The following UBR7 variants were observed in gnomAD, a reference collection of about 807,000 sequenced individuals.
The protein encoded by UBR7 is putative E3 ubiquitin-protein ligase UBR7.
In UBR7, 22 loss-of-function variants were observed where a neutral mutation model predicts 57.0. The observed-to-expected ratio is 0.39, with a 90% confidence interval of 0.28 to 0.55. UBR7 has a LOEUF of 0.55. Ranked by LOEUF, UBR7 falls within the 20% of genes least tolerant of loss-of-function variation. The pLI is 0.69. For synonymous variants in UBR7, 167 were observed against 179.8 expected, an observed-to-expected ratio of 0.93 and a Z score of 0.57; for missense variants, 395 against 513.2, an observed-to-expected ratio of 0.77 and a Z score of 2.23.
intron 6 of UBR7, among the ~76,000 whole-genome samples, chr14:93,217,406 A>G (rs1894612336): frequency 6.6e-6 from 1 of 152,100 alleles, no homozygotes; most frequent in African/African-American, 2.4e-5. Flanking sequence ...CTCCTATTAC[A>G]TTGAAATGCT....
chr14:93,208,028 A>G (rs571930098), intron 1 of UBR7, among the ~76,000 whole-genome samples: 7 of 152,290 alleles, frequency 4.6e-5, no homozygotes, highest in African/African-American at 1.4e-4. Flanking sequence ...TCCCCTGGAA[A>G]TAGACCGGAA....
At position 93,219,235 on chromosome 14, in the gene UBR7, C is replaced by G; in HGVS notation, c.834C>G (p.Leu278=). ...AGACAGTGTTTAAGAATGAAAGCCT[C>G]AACGCAGAATCAAAATCTGGCTGCA... ...DLQTVFKNES[L]NAESKSGCKL... The change falls in exon 8 of 11, where the codon CTC becomes CTG. Residue 278 remains leucine (L), a synonymous_variant. Coordinates refer to ENST00000013070, the MANE Select transcript of UBR7 (RefSeq NM_175748.4). 1 of 1,614,158 alleles carries G rather than the reference C, an allele frequency of 6.2e-7. No homozygotes were observed. Among genetic ancestry groups the G allele is most frequent in the Non-Finnish European group, 8.5e-7 (1 of 1,180,022 alleles).
Position 93,218,531 on chromosome 14 carries a change from C to T in UBR7, c.606C>T (p.Thr202=), listed in dbSNP as rs1417780499. The T allele has an allele frequency of 1.2e-6, 2 of 1,613,960 alleles. No homozygotes were observed. Among genetic ancestry groups the T allele is most frequent in the African/African-American group, 2.7e-5 (2 of 74,962 alleles). ...TCTTTTTCTTTGAACTCACAGTAAC[C>T]AAAATATCCACTGAGGATGATGGAT... is the stretch of plus-strand genomic sequence containing the variant. ...LWAYAAQLAV[T]KISTEDDGLV... is the part of the protein sequence containing the mutation. Residue 202 remains threonine, a synonymous_variant, in exon 7 of 11, where the codon ACC becomes ACT. Coordinates refer to ENST00000013070, the MANE Select transcript of UBR7 (RefSeq NM_175748.4).
intron 4 of UBR7, among the ~76,000 whole-genome samples, chr14:93,214,043 C>T (rs1894544125): frequency 6.6e-6 from 1 of 152,178 alleles, no homozygotes. Context: ...TCTTCTGCCT[C>T]AGCCTCCTGA....
chr14:93,223,119 C>T lies in UBR7; in HGVS notation c.1185+745C>T, dbSNP rs554668880. Among the ~76,000 whole-genome samples, 4 of 151,342 alleles carry T rather than the reference C, an allele frequency of 2.6e-5. No individual in the cohort carries two copies. The South Asian group carries it at 6.3e-4, about 24-fold the overall frequency. On this transcript the variant is annotated intron_variant, in intron 10 of 10. Coordinates refer to ENST00000013070, the MANE Select transcript of UBR7 (RefSeq NM_175748.4). ...TAGAATAGAAACTGGGCATGGTGGC[C>T]GGGTGCAGTGGCTCACGCCTTAATC... is the stretch of plus-strand genomic sequence containing the variant.
At chr14:93,223,514 G>T in intron 10 of UBR7, 2 of 615,410 alleles carry the variant, frequency 3.2e-6, no homozygotes, top group South Asian at 1.9e-5. Context: ...ACCTACTTTA[G>T]GTCATTTTTT....
chr14:93,224,168 G>A (rs1182236920), intron 10 of UBR7: 7 of 595,182 alleles, frequency 1.2e-5, no homozygotes, highest in East Asian at 6.0e-5. Flanking sequence ...GCCACCACCC[G>A]CAAAAGGTTA....
rs140004420 is a variant in UBR7, at chr14:93,213,075, T to C, written c.441+948T>C. On this transcript the variant is annotated intron_variant, in intron 4 of 10. Transcript: ENST00000013070. Reference sequence around the variant, plus strand: ...ATCACTTGAACCCATGGGGCAGAGGTTGCAGTAAGCTGGGATTGCGGCACT... The same window carrying C: ...ATCACTTGAACCCATGGGGCAGAGGCTGCAGTAAGCTGGGATTGCGGCACT... Among the ~76,000 whole-genome samples, 9 of 152,026 alleles carry C rather than the reference T, an allele frequency of 5.9e-5. No homozygotes were observed. In the East Asian group the frequency reaches 1.4e-3, roughly 23 times the overall value.
At chr14:93,218,880 C>CCT (rs1894648653) in intron 7 of UBR7, 145 bp downstream of exon 7, 2 of 824,214 alleles carry the variant, frequency 2.4e-6, no homozygotes, top group East Asian at 5.3e-5. Flanking sequence ...CATGGGTAAA[C>CCT]CTCATCTCTA....
intron 4 of UBR7, 106 bp from the exon 5 acceptor site, chr14:93,214,823 C>A: frequency 1.0e-6 from 1 of 986,210 alleles, no homozygotes; most frequent in Non-Finnish European, 1.6e-6. Flanking sequence ...TTTGGAACAC[C>A]AGTTCATGTA....
At chr14:93,208,696 AAAAG>A (rs1894419093) in intron 1 of UBR7, among the ~76,000 whole-genome samples, 1 of 152,170 alleles carries the variant, frequency 6.6e-6, no homozygotes, top group Non-Finnish European at 1.5e-5. Context: ...CTTTAAAAAA[AAAAG>A]AAAGAAAAAG....
At chr14:93,211,913 A>G (rs1048309809) in intron 3 of UBR7, 119 bp from the exon 4 acceptor site, 2 of 778,400 alleles carry the variant, frequency 2.6e-6, no homozygotes, top group Non-Finnish European at 2.0e-6. Flanking sequence ...TTTGAAAATT[A>G]AAGATCAGCC....
chr14:93,216,125 G>A (rs980292085), intron 6 of UBR7, among the ~76,000 whole-genome samples: 1 of 152,164 alleles, frequency 6.6e-6, no homozygotes. Flanking sequence ...AAGCTCGCTT[G>A]GGCCTCTTTT....
Position 93,207,527 on chromosome 14 carries a change from G to T in UBR7, c.150+86G>T, listed in dbSNP as rs1002090209. ...CGGCTGTCCCTATTCCCGCCTTGCCGCAGTCGTCTCCCCAGTGGTGGTCCG... is the reference window on the plus strand; with the variant it reads ...CGGCTGTCCCTATTCCCGCCTTGCCTCAGTCGTCTCCCCAGTGGTGGTCCG... On this transcript the variant is annotated intron_variant, in intron 1 of 10. Coordinates refer to ENST00000013070, the MANE Select transcript of UBR7 (RefSeq NM_175748.4). The T allele has an allele frequency of 4.8e-6, 7 of 1,452,386 alleles. No individual in the cohort carries two copies. In the African/African-American group the frequency reaches 7.2e-5, roughly 15 times the overall value. 90.0% of individuals were successfully genotyped at this position (1,452,386 alleles called of 1,614,324 possible).
intron 2 of UBR7, 86 bp from the exon 3 acceptor site, chr14:93,210,562 C>CT (rs1207030865): frequency 8.7e-7 from 1 of 1,153,032 alleles, no homozygotes; most frequent in African/African-American, 1.5e-5. Flanking sequence ...ATTGTGAAGT[C>CT]TTACTATGTG....
chr14:93,213,494 AG>A (rs1894531415), intron 4 of UBR7, among the ~76,000 whole-genome samples: 1 of 151,912 alleles, frequency 6.6e-6, no homozygotes, highest in Non-Finnish European at 1.5e-5. Context: ...ATTTTAGTAG[AG>A]TCAGGGTTTC....
chr14:93,222,239 A>T, intron 9 of UBR7, 74 bp from the exon 10 acceptor site: 2 of 1,048,564 alleles, frequency 1.9e-6, no homozygotes, highest in Non-Finnish European at 3.0e-6. Flanking sequence ...CTCAGGTGTC[A>T]ATGGCAAAGA....
In UBR7 at chr14:93,227,522, T is replaced by A. The variant is rs925255394; in HGVS notation, c.*487T>A. On this transcript the variant is annotated 3_prime_UTR_variant, in exon 11 of 11. Transcript: ENST00000013070. Reference sequence around the variant, plus strand: ...GGTCAAAGCTTCCTCAAGCCTGGTCTGCTCCTTCTTTCACGTCCCTGTTTT... The same window carrying A: ...GGTCAAAGCTTCCTCAAGCCTGGTCAGCTCCTTCTTTCACGTCCCTGTTTT... 3 of 698,388 alleles carry A rather than the reference T, an allele frequency of 4.3e-6. No homozygotes were observed. The highest frequency in any genetic ancestry group is 7.8e-6 in the Non-Finnish European group (3 of 383,810). The allele number at this position is 698,388 out of a possible 1,614,324, so 43.3% of individuals were successfully genotyped here.
intron 1 of UBR7, 79 bp downstream of exon 1, chr14:93,207,520 C>T: frequency 6.8e-7 from 1 of 1,460,794 alleles, no homozygotes; most frequent in Non-Finnish European, 9.0e-7. Flanking sequence ...CCTATTCCCG[C>T]CTTGCCGCAG....
Sources: gnomAD v4.1 joint callset for allele counts (sites outside exome capture counted in the v4.1 genomes callset) on GRCh38, gnomAD v4.1.1 for gene constraint, MANE v1.5 for transcripts, NCBI Gene and HGNC (gene_info 2026-07-23, HGNC 2026-07-21) for gene names.